The following PPP1R15B variants were observed in gnomAD, a reference collection of about 807,000 sequenced individuals.
PPP1R15B encodes the protein protein phosphatase 1 regulatory subunit 15B.
Under a neutral mutation model 53.9 loss-of-function variants are expected in PPP1R15B, and 31 were observed. That is an observed-to-expected ratio of 0.58 (90% CI 0.43 to 0.78). The LOEUF is 0.78. Among genes scored for constraint, PPP1R15B ranks in the 30% least tolerant of loss-of-function variants. The pLI, the probability that PPP1R15B is intolerant of heterozygous loss-of-function variation, is 0.00. For synonymous variants in PPP1R15B, 345 were observed against 329.1 expected, an observed-to-expected ratio of 1.05 and a Z score of -0.52; for missense variants, 928 against 849.6, an observed-to-expected ratio of 1.09 and a Z score of -1.15.
In PPP1R15B at chr1:204,405,963, T is replaced by C; in HGVS notation, c.*129A>G. 1 of 1,423,364 alleles carries C rather than the reference T, an allele frequency of 7.0e-7. No individual in the cohort carries two copies. The highest frequency in any genetic ancestry group is 9.2e-7 in the Non-Finnish European group (1 of 1,090,462). The allele number at this position is 1,423,364 out of a possible 1,614,324, so 88.2% of individuals were successfully genotyped here. The stretch of plus-strand genomic sequence containing the variant: ...GTGGGATATGTTGCAAAAAAAAAAA[T>C]TAAACTAGATCCAAGTTACATTTCC... On this transcript the variant is annotated 3_prime_UTR_variant, in exon 2 of 2. Coordinates refer to ENST00000367188, the MANE Select transcript of PPP1R15B (RefSeq NM_032833.5).
rs1674366780 is a variant in PPP1R15B at position 204,411,103 on chromosome 1, G to C, written c.309C>G (p.Tyr103Ter). 1.2e-6 allele frequency: 2 copies of C among 1,614,090 alleles called. No homozygotes were observed. The highest frequency in any genetic ancestry group is 1.7e-6 in the Non-Finnish European group (2 of 1,180,042). The change falls in exon 1 of 2, where the codon TAC (tyrosine) becomes TAG (stop). Residue 103 changes from tyrosine (Y) to a stop codon, truncating the protein, a stop_gained. Transcript: ENST00000367188. LOFTEE classifies it high-confidence loss of function. ...PTRWLDFAGV[Y>*]SALRALKGRE... Reference sequence around the variant, plus strand: ...GTCCCTTCAGGGCTCTCAGGGCGCTGTAGACTCCAGCAAAATCTAGCCATC... The same window carrying C: ...GTCCCTTCAGGGCTCTCAGGGCGCTCTAGACTCCAGCAAAATCTAGCCATC...
chr1:204,409,776 T>C lies in PPP1R15B; in HGVS notation c.1636A>G (p.Ser546Gly), dbSNP rs775827854. 2.7e-5 allele frequency: 43 copies of C among 1,614,058 alleles called. No homozygotes were observed. Among genetic ancestry groups the C allele is most frequent in the Non-Finnish European group, 3.3e-5 (39 of 1,180,036 alleles). Residue 546 changes from serine (S) to glycine (G), a missense_variant, in exon 1 of 2, where the codon AGT (serine) becomes GGT (glycine). Coordinates refer to ENST00000367188, the MANE Select transcript of PPP1R15B (RefSeq NM_032833.5). ...SSGEEDDWES[S>G]ADEAESLKLW... ...TTGAGACTCTCTGCTTCATCTGCACTAGATTCCCAGTCATCTTCCTCCCCA... is the reference window on the plus strand; with the variant it reads ...TTGAGACTCTCTGCTTCATCTGCACCAGATTCCCAGTCATCTTCCTCCCCA...
At chr1:204,400,787 G>A (rs1674167961), downstream of PPP1R15B, 6 of 924,722 alleles carry the variant, frequency 6.5e-6, no homozygotes, top group Non-Finnish European at 7.8e-6. Context: ...TCTTGGTAGG[G>A]ATCTATAAAA....
In PPP1R15B at chr1:204,411,201, GGAGCTGGGA is replaced by G; in HGVS notation, c.202_210del (p.Ser68_Leu70del). 1 of 1,614,238 alleles carries G rather than the reference GGAGCTGGGA, an allele frequency of 6.2e-7. No homozygotes were observed. The highest frequency in any genetic ancestry group is 1.1e-5 in the South Asian group (1 of 91,086). ...TGAAGCAATCCGGGGAGCGGCGCAA[GGAGCTGGGA>G]GAGCAGTTTCGTCCAGTAACTGACC... On this transcript the variant is annotated inframe_deletion, in exon 1 of 2. Coordinates refer to ENST00000367188, the MANE Select transcript of PPP1R15B (RefSeq NM_032833.5).
chr1:204,401,346 T>TG (rs1674176173), downstream of PPP1R15B, among the ~76,000 whole-genome samples: 1 of 152,172 alleles, frequency 6.6e-6, no homozygotes, highest in Admixed American at 6.5e-5. Flanking sequence ...CTGGAGCACA[T>TG]CCAGGAAGGA....
intron 1 of PPP1R15B, among the ~76,000 whole-genome samples, chr1:204,407,488 A>G (rs951303689): frequency 1.3e-5 from 2 of 152,186 alleles, no homozygotes; most frequent in African/African-American, 4.8e-5. Context: ...ACTTGCTTTC[A>G]AGTATGTTTA....
chr1:204,396,030 A>C (rs1192149677), downstream of PPP1R15B, among the ~76,000 whole-genome samples: 2 of 152,198 alleles, frequency 1.3e-5, no homozygotes, highest in Non-Finnish European at 2.9e-5. Flanking sequence ...ATACAATGAA[A>C]TACTACTCAG....
rs773080786 is a variant in PPP1R15B at position 204,411,261 on chromosome 1, G to C, written c.151C>G (p.Leu51Val). 1.2e-6 allele frequency: 2 copies of C among 1,614,244 alleles called. No homozygotes were observed. The highest frequency in any genetic ancestry group is 2.7e-5 in the African/African-American group (2 of 75,076). ...CGAGTCTCGGGCTGGGCAGAGGAAA[G>C]CAGTGTGGGGTTCCCGGAGTTTTCC... is the stretch of plus-strand genomic sequence containing the variant. ...GPENSGNPTL[L>V]SSAQPETRVS... Residue 51 changes from leucine (L) to valine (V), a missense_variant, in exon 1 of 2, where the codon CTT becomes GTT. Leu to Val is a conservative substitution (Grantham distance 32, BLOSUM62 1). Coordinates refer to ENST00000367188, the MANE Select transcript of PPP1R15B (RefSeq NM_032833.5).
Position 204,410,310 on chromosome 1 carries a change from A to G in PPP1R15B, c.1102T>C (p.Leu368=), listed in dbSNP as rs753812472. 3 of 1,614,126 alleles carry G rather than the reference A, an allele frequency of 1.9e-6. No individual in the cohort carries two copies. Among genetic ancestry groups the G allele is most frequent in the South Asian group, 2.2e-5 (2 of 91,084 alleles). The change falls in exon 1 of 2, where the codon TTA becomes CTA. Residue 368 remains leucine (L), a synonymous_variant. Transcript: ENST00000367188. ...QESTEEKIEL[L]TTEVPLALEE... ...AAAGCAAGTGGAACCTCTGTAGTTA[A>G]TAATTCTATTTTTTCTTCAGTGGAT...
chr1:204,410,056 A>G lies in PPP1R15B; in HGVS notation c.1356T>C (p.Ala452=). The G allele has an allele frequency of 6.2e-7, 1 of 1,614,192 alleles. No individual in the cohort carries two copies. Among genetic ancestry groups the G allele is most frequent in the Admixed American group, 1.7e-5 (1 of 60,032 alleles). The change falls in exon 1 of 2, where the codon GCT becomes GCC. Residue 452 remains alanine (A), a synonymous_variant. Transcript: ENST00000367188. ...DPEGEDWDEE[A]EDDGFDSDSS... is the part of the protein sequence containing the mutation. The stretch of plus-strand genomic sequence containing the variant: ...TATCACTATCAAAACCATCATCCTC[A>G]GCTTCCTCATCCCAATCCTCACCTT...
downstream of PPP1R15B, among the ~76,000 whole-genome samples, chr1:204,396,319 G>A (rs1467694452): frequency 7.0e-6 from 1 of 142,808 alleles, no homozygotes. Flanking sequence ...ACTAGCCTGG[G>A]CAACATGCCA....
In PPP1R15B at chr1:204,411,128, C is replaced by G; in HGVS notation, c.284G>C (p.Arg95Thr). 6.2e-7 allele frequency: 1 copy of G among 1,614,226 alleles called. No individual in the cohort carries two copies. The highest frequency in any genetic ancestry group is 1.6e-4 in the Middle Eastern group (1 of 6,062). Residue 95 changes from arginine (R) to threonine (T), a missense_variant, in exon 1 of 2, where the codon AGA becomes ACA. Physicochemically the swap from Arg to Thr is moderately conservative, Grantham distance 71. Coordinates refer to ENST00000367188, the MANE Select transcript of PPP1R15B (RefSeq NM_032833.5). ...GTAGACTCCAGCAAAATCTAGCCAT[C>G]TGGTCGGAAACATTCCACCGAAAAG... The part of the protein sequence containing the change: ...SQLFGGMFPT[R>T]WLDFAGVYSA...
chr1:204,397,952 A>T (rs1674117467), downstream of PPP1R15B, among the ~76,000 whole-genome samples: 1 of 152,160 alleles, frequency 6.6e-6, no homozygotes, highest in Non-Finnish European at 1.5e-5. Context: ...TTGAAGATAG[A>T]CCTTTTCACA....
chr1:204,397,653 T>TTGTA (rs1674114786), downstream of PPP1R15B, among the ~76,000 whole-genome samples: 1 of 152,216 alleles, frequency 6.6e-6, no homozygotes, highest in South Asian at 2.1e-4. Context: ...AAACATCATG[T>TTGTA]TGTAGACAGT....
rs751484652 is a variant in PPP1R15B at position 204,411,078 on chromosome 1, G to C, written c.334C>G (p.Arg112Gly). ...GCTGTGGGGGCGGCTGGTTTCTCCCGTCCCTTCAGGGCTCTCAGGGCGCTG... is the reference window on the plus strand; with the variant it reads ...GCTGTGGGGGCGGCTGGTTTCTCCCCTCCCTTCAGGGCTCTCAGGGCGCTG... ...VYSALRALKG[R>G]EKPAAPTAQK... is the part of the protein sequence containing the mutation. The change falls in exon 1 of 2, where the codon CGG becomes GGG. Residue 112 changes from arginine (R) to glycine (G), a missense_variant. By Grantham distance (125) the Arg-to-Gly change is moderately radical. Transcript: ENST00000367188. The C allele has an allele frequency of 2.5e-6, 4 of 1,614,072 alleles. No homozygotes were observed. Among genetic ancestry groups the C allele is most frequent in the African/African-American group, 1.3e-5 (1 of 74,920 alleles).
chr1:204,407,649 A>G (rs1358863354), intron 1 of PPP1R15B, among the ~76,000 whole-genome samples: 1 of 152,202 alleles, frequency 6.6e-6, no homozygotes, highest in African/African-American at 2.4e-5. Flanking sequence ...TTGTGTCATT[A>G]AGATAAATAA....
Position 204,411,449 on chromosome 1 carries a change from C to T in PPP1R15B, c.-38G>A. ...GACAGTCTCTCAGGTAGGGCCGCGG[C>T]GCTCAGCGGCTGGAGGTCGACGGGA... is the stretch of plus-strand genomic sequence containing the variant. On this transcript the variant is annotated 5_prime_UTR_variant, in exon 1 of 2. Coordinates refer to ENST00000367188, the MANE Select transcript of PPP1R15B (RefSeq NM_032833.5). 1 of 1,582,894 alleles carries T rather than the reference C, an allele frequency of 6.3e-7. No individual in the cohort carries two copies. Among genetic ancestry groups the T allele is most frequent in the Non-Finnish European group, 8.6e-7 (1 of 1,168,584 alleles).
chr1:204,411,338 A>G lies in PPP1R15B; in HGVS notation c.74T>C (p.Phe25Ser), dbSNP rs768802113. The G allele has an allele frequency of 1.2e-6, 2 of 1,614,004 alleles. No individual in the cohort carries two copies. Among genetic ancestry groups the G allele is most frequent in the South Asian group, 1.1e-5 (1 of 91,078 alleles). The change falls in exon 1 of 2, where the codon TTC (phenylalanine) becomes TCC (serine). Residue 25 changes from phenylalanine to serine, a missense_variant. Phe to Ser is a radical substitution (Grantham distance 155, BLOSUM62 -2). Coordinates refer to ENST00000367188, the MANE Select transcript of PPP1R15B (RefSeq NM_032833.5). Reference sequence around the variant, plus strand: ...AGAGCCTGCTTGCGATCGCCGAGGGAAAAAGGGTGGCCAGAACCGGAAGCC... The same window carrying G: ...AGAGCCTGCTTGCGATCGCCGAGGGGAAAAGGGTGGCCAGAACCGGAAGCC... ...RAGFRFWPPFFPRRSQAGSSK... is the reference protein window; with the variant it reads ...RAGFRFWPPFSPRRSQAGSSK...
chr1:204,408,242 G>A (rs186283549), intron 1 of PPP1R15B, among the ~76,000 whole-genome samples: 54 of 152,308 alleles, frequency 3.5e-4, no homozygotes, highest in Middle Eastern at 6.8e-3. Context: ...AGAACACAGG[G>A]CTCCAGCTGC....
Sources: allele counts gnomAD v4.1 joint callset (sites outside exome capture counted in the v4.1 genomes callset), GRCh38; gene constraint gnomAD v4.1.1; transcripts MANE v1.5; gene names NCBI Gene and HGNC (gene_info 2026-07-23, HGNC 2026-07-21).